ARHGAP36: variants seen among roughly 807,000 people sequenced by gnomAD.
ARHGAP36 encodes the protein Rho GTPase activating protein 36, also known as rho GTPase-activating protein 36.
A neutral mutation model predicts 32.9 loss-of-function variants in ARHGAP36; 7 were observed. The observed-to-expected ratio is 0.21, with a 90% CI of 0.12 to 0.40. The LOEUF (loss-of-function observed/expected upper bound fraction) is 0.40, where lower values mean the gene tolerates loss of function less well. Ranked by LOEUF, ARHGAP36 falls within the 10% of genes least tolerant of loss-of-function variation. The probability of loss-of-function intolerance (pLI) is 1.00; values close to 1 mark genes in which losing one functional copy is unlikely to be tolerated. For synonymous variants in ARHGAP36, 165 were observed against 168.3 expected (o/e 0.98, Z 0.15); for missense variants, 383 against 442.2 (o/e 0.87, Z 1.20).
chrX:131,068,234 C>T (rs2148637007), intron 1 of ARHGAP36, among the ~76,000 whole-genome samples: 1 of 111,137 alleles, frequency 9.0e-6, no homozygotes, highest in Admixed American at 9.4e-5. Flanking sequence ...ACCGCACCCG[C>T]GCGCGCGCAC....
intron 9 of ARHGAP36, 90 bp from the exon 10 acceptor site, chrX:131,086,239 G>T (rs1451858830): frequency 9.0e-7 from 1 of 1,110,681 alleles, no homozygotes; most frequent in Non-Finnish European, 1.2e-6. Context: ...AGCTGGCCCT[G>T]GTACCTTTAG....
At chrX:131,083,319 G>A (rs2076911499) in intron 3 of ARHGAP36, 89 bp downstream of exon 3, 4 of 911,551 alleles carry the variant, frequency 4.4e-6, no homozygotes, top group East Asian at 3.1e-5. Context: ...ACTGGGTGGC[G>A]TCCACTGTCC....
Position 131,088,743 on chromosome X carries a change from G to C in ARHGAP36, c.1602G>C (p.Arg534=). The C allele has an allele frequency of 8.3e-7, 1 of 1,210,683 alleles. No individual in the cohort carries two copies. Among genetic ancestry groups the C allele is most frequent in the Non-Finnish European group, 1.1e-6 (1 of 895,140 alleles). The change falls in exon 12 of 12, where the codon CGG becomes CGC. Residue 534 remains arginine, a synonymous_variant. Transcript: ENST00000276211. ...EQDRPLLRVP[R]EKEAKTGVSY... is the part of the protein sequence containing the mutation. ...ACCGCCCATTGCTCCGTGTGCCCCG[G>C]GAGAAGGAGGCCAAAACTGGCGTCA...
rs748221870 is a variant in ARHGAP36, at chrX:131,083,181, T to C, written c.270T>C (p.Arg90=). ...TTTCTGTAGCTCTGCCTATTGACCGTCCGAACACCTTGGATAAGTGGTTTC... is the reference window on the plus strand; with the variant it reads ...TTTCTGTAGCTCTGCCTATTGACCGCCCGAACACCTTGGATAAGTGGTTTC... ...FKPDRALPID[R]PNTLDKWFLI... is the part of the protein sequence containing the mutation. The change falls in exon 3 of 12, where the codon CGT becomes CGC. Residue 90 remains arginine (R), a synonymous_variant. Transcript: ENST00000276211. 1 of 1,211,336 alleles carries C rather than the reference T, an allele frequency of 8.3e-7. No homozygotes were observed. Among genetic ancestry groups the C allele is most frequent in the Admixed American group, 2.2e-5 (1 of 46,063 alleles).
intron 1 of ARHGAP36, among the ~76,000 whole-genome samples, chrX:131,058,696 C>A (rs1276855234): frequency 8.8e-6 from 1 of 113,458 alleles, no homozygotes; most frequent in Non-Finnish European, 1.9e-5. Context: ...TGGGCGGAGT[C>A]GCTGGCTCAG....
intron 1 of ARHGAP36, among the ~76,000 whole-genome samples, chrX:131,071,879 G>A (rs765589578): frequency 8.9e-6 from 1 of 111,766 alleles, no homozygotes; most frequent in Non-Finnish European, 1.9e-5. Context: ...CAAGACAGGA[G>A]AGAATTCAAT....
intron 1 of ARHGAP36, among the ~76,000 whole-genome samples, chrX:131,069,906 C>G (rs2079724204): frequency 8.9e-6 from 1 of 112,340 alleles, no homozygotes; most frequent in African/African-American, 3.2e-5. Flanking sequence ...CCAGGAATGT[C>G]TCCTGTTAAC....
rs2079856608 is a variant in ARHGAP36 at position 131,089,613 on chromosome X, T to G, written c.*828T>G. ...AAAGTCACTTGATTACAAATGTTCT[T>G]AACTATCGTCTCTGTAATTCCTTTA... On this transcript the variant is annotated 3_prime_UTR_variant, in exon 12 of 12. Transcript: ENST00000276211. 8.8e-6 allele frequency: 1 copy of G among 113,264 alleles called. No individual in the cohort carries two copies. The allele number at this position is 113,264 out of a possible 1,213,427, so 9.3% of individuals were successfully genotyped here. A position where few individuals can be genotyped will look rare whatever the true frequency, so the allele number is the denominator to read the frequency against.
chrX:131,085,805 G>C (rs2079832493), intron 8 of ARHGAP36, 69 bp downstream of exon 8: 9 of 1,184,658 alleles, frequency 7.6e-6, no homozygotes, highest in Non-Finnish European at 1.0e-5. Flanking sequence ...ATCAGCAAGA[G>C]GGTGGATGGA....
At chrX:131,077,806 TTGCTAGTGAC>T (rs2079772477) in intron 1 of ARHGAP36, among the ~76,000 whole-genome samples, 1 of 92,814 alleles carries the variant, frequency 1.1e-5, no homozygotes, top group African/African-American at 4.1e-5. Context: ...TATATATATA[TTGCTAGTGAC>T]AATGTAGAAT....
In ARHGAP36 at chrX:131,084,606, C is replaced by T. The variant is rs368655030; in HGVS notation, c.749-20C>T. 8.3e-7 allele frequency: 1 copy of T among 1,210,206 alleles called. No individual in the cohort carries two copies. The highest frequency in any genetic ancestry group is 1.1e-6 in the Non-Finnish European group (1 of 894,344). ...AAAGGGATTCAGAGATGCTTAGCAT[C>T]CCCTGGTCTTTTCTTTCAGGCTTAA... On this transcript the variant is annotated intron_variant, in intron 5 of 11. Transcript: ENST00000276211.
intron 1 of ARHGAP36, among the ~76,000 whole-genome samples, chrX:131,058,684 C>G (rs921695703): frequency 4.4e-5 from 5 of 113,511 alleles, no homozygotes; most frequent in Non-Finnish European, 1.9e-5. Context: ...GGGACGAGCG[C>G]GTGGGCGGAG....
intron 1 of ARHGAP36, among the ~76,000 whole-genome samples, chrX:131,072,176 T>C (rs751992731): frequency 1.8e-5 from 2 of 111,134 alleles, no homozygotes; most frequent in East Asian, 5.7e-4. Flanking sequence ...AAATTAAGAC[T>C]ATAGTAGTGG....
intron 1 of ARHGAP36, among the ~76,000 whole-genome samples, chrX:131,080,398 T>TAAA (rs138310432): frequency 0.01 from 1,078 of 102,895 alleles, 21 homozygotes; most frequent in African/African-American, 0.036. Flanking sequence ...GTTAAATCTT[T>TAAA]AAAAAAAAAA....
intron 1 of ARHGAP36, among the ~76,000 whole-genome samples, chrX:131,060,528 C>T (rs181709227): frequency 8.9e-6 from 1 of 112,809 alleles, no homozygotes; most frequent in Non-Finnish European, 1.9e-5. Context: ...ACAGTTCACA[C>T]AAAGACTTTA....
At position 131,089,388 on chromosome X, in the gene ARHGAP36, C is replaced by T. The variant is rs1342556934; in HGVS notation, c.*603C>T. On this transcript the variant is annotated 3_prime_UTR_variant, in exon 12 of 12. Transcript: ENST00000276211. ...AGACCAATGGCTTGCCAAATGGCCT[C>T]TCCCAAAATTCTGTACAGTTTTGCT... is the stretch of plus-strand genomic sequence containing the variant. 5 of 113,128 alleles carry T rather than the reference C, an allele frequency of 4.4e-5. No homozygotes were observed. The highest frequency in any genetic ancestry group is 1.6e-4 in the African/African-American group (5 of 31,101). 9.3% of individuals were successfully genotyped at this position (113,128 alleles called of 1,213,427 possible).
chrX:131,088,894 A>T lies in ARHGAP36; in HGVS notation c.*109A>T. 1 of 1,043,346 alleles carries T rather than the reference A, an allele frequency of 9.6e-7. No homozygotes were observed. The highest frequency in any genetic ancestry group is 1.3e-6 in the Non-Finnish European group (1 of 788,438). 86.0% of individuals were successfully genotyped at this position (1,043,346 alleles called of 1,213,427 possible). A position where few individuals can be genotyped will look rare whatever the true frequency, so the allele number is the denominator to read the frequency against. ...TTGAAGGTAAAGATCTGAAGGTAAG[A>T]AGGAGTTCCACCTGATGCTCGGGTC... On this transcript the variant is annotated 3_prime_UTR_variant, in exon 12 of 12. Transcript: ENST00000276211.
At chrX:131,086,724 G>A in intron 11 of ARHGAP36, 59 bp downstream of exon 11, 1 of 1,083,145 alleles carries the variant, frequency 9.2e-7, no homozygotes, top group African/African-American at 1.8e-5. Flanking sequence ...TTGAAGGTCA[G>A]GCCCTTTTTG....
chrX:131,069,173 G>A (rs1193972826), intron 1 of ARHGAP36, among the ~76,000 whole-genome samples: 2 of 112,578 alleles, frequency 1.8e-5, no homozygotes, highest in African/African-American at 6.5e-5. Flanking sequence ...GCCATAAGCG[G>A]ACTATGCGAG....
Sources: allele counts gnomAD v4.1 joint callset (sites outside exome capture counted in the v4.1 genomes callset), GRCh38; gene constraint gnomAD v4.1.1; transcripts MANE v1.5; gene names NCBI Gene and HGNC (gene_info 2026-07-23, HGNC 2026-07-21).